Variants in CTNND2 observed in about 807,000 individuals in gnomAD.
CTNND2 encodes the protein catenin delta-2.
CTNND2 carries 22 observed loss-of-function variants against 144.4 expected under a neutral mutation model. The ratio of observed to expected loss-of-function variants is 0.15; its 90% CI spans 0.11 to 0.22. CTNND2 has a LOEUF of 0.22. Among genes scored for constraint, CTNND2 ranks in the 10% least tolerant of loss-of-function variants. CTNND2 has a pLI of 1.00. For synonymous variants in CTNND2, 751 were observed against 695.6 expected, an observed-to-expected ratio of 1.08 and a Z score of -1.25; for missense variants, 1,353 against 1,618.8, an observed-to-expected ratio of 0.84 and a Z score of 2.82.
Position 11,270,400 on chromosome 5 carries a change from A to G in CTNND2, c.1629-33577T>C, listed in dbSNP as rs147596825. The stretch of plus-strand genomic sequence containing the variant: ...TGGTGAAATACCACACATAACAACT[A>G]TGTAACTTGTCAGGAACATGATTGT... On this transcript the variant is annotated intron_variant, in intron 9 of 21. Coordinates refer to ENST00000304623, the MANE Select transcript of CTNND2 (RefSeq NM_001332.4). Among the ~76,000 whole-genome samples the G allele has an allele frequency of 1.8e-3, 279 of 152,126 alleles. 1 individual carries two copies. Among genetic ancestry groups the G allele is most frequent in the African/African-American group, 6.5e-3 (269 of 41,520 alleles).
chr5:11,736,849 T>TAATA (rs1787707838), intron 1 of CTNND2, among the ~76,000 whole-genome samples: 2 of 152,202 alleles, frequency 1.3e-5, no homozygotes, highest in Non-Finnish European at 2.9e-5. Context: ...ATTTCTAATA[T>TAATA]AACTTATTCT....
intron 5 of CTNND2, among the ~76,000 whole-genome samples, chr5:11,399,566 A>G (rs910122397): frequency 5.3e-5 from 8 of 152,230 alleles, no homozygotes; most frequent in African/African-American, 1.9e-4. Context: ...ATGACAATGT[A>G]AAGTCCCTTT....
At chr5:11,075,842 A>C (rs986128355) in intron 16 of CTNND2, among the ~76,000 whole-genome samples, 8 of 152,210 alleles carry the variant, frequency 5.3e-5, no homozygotes, top group African/African-American at 1.9e-4. Flanking sequence ...TCTAAGCTTT[A>C]TTTCTTTCCT....
At chr5:11,382,360 A>C (rs1758571808) in intron 7 of CTNND2, among the ~76,000 whole-genome samples, 2 of 152,178 alleles carry the variant, frequency 1.3e-5, no homozygotes, top group Admixed American at 1.3e-4. Context: ...GCATTTTGGG[A>C]GGCCAAAGCG....
At chr5:11,805,477 G>A (rs922406723) in intron 1 of CTNND2, among the ~76,000 whole-genome samples, 11 of 152,006 alleles carry the variant, frequency 7.2e-5, no homozygotes, top group Non-Finnish European at 1.5e-4. Flanking sequence ...GGACATGTAA[G>A]ATGAGTTCAG....
intron 8 of CTNND2, among the ~76,000 whole-genome samples, chr5:11,357,547 CAG>C (rs945887387): frequency 1.3e-5 from 2 of 151,844 alleles, no homozygotes; most frequent in Non-Finnish European, 2.9e-5. Flanking sequence ...GGAGGATGAA[CAG>C]GGGAGAGAAT....
chr5:11,466,583 T>G (rs1367467725), intron 3 of CTNND2, among the ~76,000 whole-genome samples: 1 of 152,224 alleles, frequency 6.6e-6, no homozygotes, highest in Non-Finnish European at 1.5e-5. Context: ...TCTTCCTTTT[T>G]TAAAAAGTTA....
intron 16 of CTNND2, among the ~76,000 whole-genome samples, chr5:11,047,077 C>T (rs1354012514): frequency 3.3e-5 from 5 of 152,164 alleles, no homozygotes; most frequent in Non-Finnish European, 7.3e-5. Flanking sequence ...CATGAATTTC[C>T]GGAGGGTTAA....
chr5:11,432,783 GCAA>G (rs147842669), intron 3 of CTNND2, among the ~76,000 whole-genome samples: 2,317 of 152,150 alleles, frequency 0.015, 58 homozygotes, highest in African/African-American at 0.047. Context: ...TGCATTTTTT[GCAA>G]CAACAAGTAT....
chr5:11,204,532 G>GC (rs1372394416), intron 10 of CTNND2, among the ~76,000 whole-genome samples: 2 of 152,104 alleles, frequency 1.3e-5, no homozygotes, highest in Non-Finnish European at 2.9e-5. Context: ...CAAGAGATAT[G>GC]CAAGTAATGC....
At chr5:11,796,328 C>T (rs1239132547) in intron 1 of CTNND2, among the ~76,000 whole-genome samples, 5 of 152,186 alleles carry the variant, frequency 3.3e-5, no homozygotes, top group Non-Finnish European at 7.3e-5. Flanking sequence ...AGCATTTCTG[C>T]CTACACATGC....
intron 2 of CTNND2, among the ~76,000 whole-genome samples, chr5:11,624,756 C>G (rs1474196467): frequency 6.6e-6 from 1 of 151,958 alleles, no homozygotes; most frequent in Non-Finnish European, 1.5e-5. Context: ...ACAGTTGGAA[C>G]CCACACAGGG....
At chr5:11,342,128 A>T (rs530025907) in intron 9 of CTNND2, among the ~76,000 whole-genome samples, 1 of 152,348 alleles carries the variant, frequency 6.6e-6, no homozygotes, top group African/African-American at 2.4e-5. Context: ...TGAACAGTTA[A>T]AAAAAGAAAA....
intron 3 of CTNND2, among the ~76,000 whole-genome samples, chr5:11,442,191 A>G (rs1764329256): frequency 6.6e-6 from 1 of 152,164 alleles, no homozygotes; most frequent in Non-Finnish European, 1.5e-5. Flanking sequence ...GTTAACATAT[A>G]TTTATTTTGC....
At chr5:11,538,915 T>G (rs1194455474) in intron 3 of CTNND2, among the ~76,000 whole-genome samples, 3 of 152,182 alleles carry the variant, frequency 2.0e-5, no homozygotes, top group Non-Finnish European at 4.4e-5. Flanking sequence ...TAATAAGAAC[T>G]AAATGGAATC....
chr5:11,651,152 C>A (rs1782629197), intron 2 of CTNND2, among the ~76,000 whole-genome samples: 1 of 152,132 alleles, frequency 6.6e-6, no homozygotes, highest in African/African-American at 2.4e-5. Context: ...AGGGCCCCAC[C>A]ACTCTGTGCG....
chr5:11,194,499 A>C lies in CTNND2; in HGVS notation c.1975+4949T>G, dbSNP rs536193602. Among the ~76,000 whole-genome samples the C allele has an allele frequency of 2.0e-5, 3 of 152,300 alleles. No homozygotes were observed. In the South Asian group the frequency reaches 6.2e-4, roughly 32 times the overall value. ...GCCTTAGAGAAAAACCCTCCTGATT[A>C]AGACACTTAAAAGACTCCCCACTAC... On this transcript the variant is annotated intron_variant, in intron 11 of 21. Coordinates refer to ENST00000304623, the MANE Select transcript of CTNND2 (RefSeq NM_001332.4).
intron 3 of CTNND2, among the ~76,000 whole-genome samples, chr5:11,528,426 T>A (rs1031210929): frequency 2.6e-5 from 4 of 151,976 alleles, no homozygotes; most frequent in Non-Finnish European, 4.4e-5. Context: ...AAAAAAAAAA[T>A]GAAATTTCTT....
intron 9 of CTNND2, among the ~76,000 whole-genome samples, chr5:11,298,253 C>A (rs1328959942): frequency 2.0e-5 from 3 of 152,188 alleles, no homozygotes; most frequent in Non-Finnish European, 2.9e-5. Context: ...TCACTGCAAC[C>A]TCAGACTCCA....
Sources: allele counts gnomAD v4.1 joint callset (sites outside exome capture counted in the v4.1 genomes callset), GRCh38; gene constraint gnomAD v4.1.1; transcripts MANE v1.5; gene names NCBI Gene and HGNC (gene_info 2026-07-23, HGNC 2026-07-21).